The following FASN variants were observed in gnomAD, a reference collection of about 807,000 sequenced individuals.
FASN encodes the protein 3-hydroxyacyl-[acyl-carrier-protein] dehydratase.
Under a neutral mutation model 250.0 loss-of-function variants are expected in FASN, and 50 were observed. The observed-to-expected ratio is 0.20, with a 90% CI of 0.16 to 0.25. FASN has a LOEUF of 0.25. Ranked by LOEUF, FASN falls within the 10% of genes least tolerant of loss-of-function variation. The pLI is 1.00. For missense variants in FASN, 3,031 were observed against 3,498.5 expected (o/e 0.87, Z 3.37); for synonymous variants, 1,909 against 1,584.0 (o/e 1.21, Z -4.87).
At position 82,086,551 on chromosome 17, in the gene FASN, C is replaced by T. The variant is rs2034105388; in HGVS notation, c.3435G>A (p.Val1145=). ...QEELQLCKGL[V]QALQTKVTQQ... ...GGGTCACCTTGGTCTGCAGTGCCTG[C>T]ACCAGCCCTGGGGAGGGAGGGAGGC... The change falls in exon 22 of 43, where the codon GTG becomes GTA. Residue 1145 remains valine (V), a synonymous_variant. Coordinates refer to ENST00000306749, the MANE Select transcript of FASN (RefSeq NM_004104.5). 6.2e-7 allele frequency: 1 copy of T among 1,610,886 alleles called. No individual in the cohort carries two copies. The highest frequency in any genetic ancestry group is 8.5e-7 in the Non-Finnish European group (1 of 1,179,452).
In FASN at chr17:82,093,690, C is replaced by A; in HGVS notation, c.362G>T (p.Ser121Ile). The change falls in exon 4 of 43, where the codon AGC becomes ATC. Residue 121 changes from serine to isoleucine, a missense_variant. Physicochemically the swap from Ser to Ile is moderately radical, Grantham distance 142 (BLOSUM62 -2). Transcript: ENST00000306749. ...GCCCACGAGTGTCTCGGGGTCTCGG[C>A]TCAGGGCCTCCGAGGTCTCAGAGCC... ...VSGSETSEAL[S>I]RDPETLVGYS... 1 of 1,612,790 alleles carries A rather than the reference C, an allele frequency of 6.2e-7. No individual in the cohort carries two copies. Among genetic ancestry groups the A allele is most frequent in the Non-Finnish European group, 8.5e-7 (1 of 1,179,986 alleles).
chr17:82,085,258 G>T lies in FASN; in HGVS notation c.4267C>A (p.Arg1423Ser). The change falls in exon 24 of 43, where the codon CGC becomes AGC. Residue 1423 changes from arginine to serine, a missense_variant. Transcript: ENST00000306749. ...CTGACCTTCAGAGACTCCACCCAGC[G>T]GAAGCTGGTATCGTCCACCGGCAGG... ...IFLPVDDTSFRWVESLKGILA... is the reference protein window; with the variant it reads ...IFLPVDDTSFSWVESLKGILA... 6.2e-7 allele frequency: 1 copy of T among 1,611,686 alleles called. No homozygotes were observed. The highest frequency in any genetic ancestry group is 8.5e-7 in the Non-Finnish European group (1 of 1,179,508).
At chr17:82,087,659 T>C (rs200806150) in intron 19 of FASN, 26 bp downstream of exon 19, 4 of 1,609,216 alleles carry the variant, frequency 2.5e-6, no homozygotes, top group South Asian at 2.2e-5. Context: ...CCCGGTGGCT[T>C]GGGCAGCAGT....
rs1220922089 is a variant in FASN at position 82,085,733 on chromosome 17, C to T, written c.3871G>A (p.Asp1291Asn). 22 of 1,565,146 alleles carry T rather than the reference C, an allele frequency of 1.4e-5. No homozygotes were observed. The highest frequency in any genetic ancestry group is 1.3e-4 in the Admixed American group (7 of 53,000). Residue 1291 changes from aspartate to asparagine, a missense_variant, in exon 23 of 43, where the codon GAC becomes AAC. By Grantham distance (23) the Asp-to-Asn change is conservative. Transcript: ENST00000306749. ...GGATCCCACTGGCCCTGGGCAACGTCGTGCTGCTGCAGCTCGGCCTGGGCA... is the reference window on the plus strand; with the variant it reads ...GGATCCCACTGGCCCTGGGCAACGTTGTGCTGCTGCAGCTCGGCCTGGGCA... ...EAAQAELQQH[D>N]VAQGQWDPAD...
rs984528388 is a variant in FASN at position 82,097,900 on chromosome 17, G to A, written c.-8+221C>T. Among the ~76,000 whole-genome samples, 12 of 152,180 alleles carry A rather than the reference G, an allele frequency of 7.9e-5. No individual in the cohort carries two copies. The South Asian group carries it at 8.3e-4, about 10-fold the overall frequency. ...GCGGCTGTTGGTGGCTTTCCCCGGC[G>A]TCCTTCCCCCGCCATCCGCCCACCT... On this transcript the variant is annotated intron_variant, in intron 1 of 42. Transcript: ENST00000306749.
intron 3 of FASN, among the ~76,000 whole-genome samples, chr17:82,094,873 G>C (rs974476832): frequency 6.6e-6 from 1 of 151,624 alleles, no homozygotes; most frequent in East Asian, 2.0e-4. Context: ...CGAGGGCCAG[G>C]CTGGCGGGAG....
chr17:82,080,276 G>A, intron 40 of FASN, 38 bp from the exon 41 acceptor site: 1 of 1,611,736 alleles, frequency 6.2e-7, no homozygotes. Context: ...GATGGAAGGG[G>A]CGGGGCCTCC....
chr17:82,086,420 T>C lies in FASN; in HGVS notation c.3566A>G (p.Gln1189Arg), dbSNP rs546066135. 2 of 1,611,588 alleles carry C rather than the reference T, an allele frequency of 1.2e-6. No homozygotes were observed. Among genetic ancestry groups the C allele is most frequent in the Non-Finnish European group, 1.7e-6 (2 of 1,179,896 alleles). The change falls in exon 22 of 43, where the codon CAG becomes CGG. Residue 1189 changes from glutamine to arginine, a missense_variant. Gln to Arg is a conservative substitution (Grantham distance 43). Transcript: ENST00000306749. ...CTCCAGCTGCAGGTTCCCGTTGAGC[T>C]GAAGCCTGCAGGCAGCCGACAACAG... ...PRLLSAACRL[Q>R]LNGNLQLELA...
At position 82,082,349 on chromosome 17, in the gene FASN, C is replaced by T. The variant is rs202082190; in HGVS notation, c.5985G>A (p.Lys1995=). The change falls in exon 35 of 43, where the codon AAG becomes AAA. Residue 1995 remains lysine (K), a synonymous_variant. Coordinates refer to ENST00000306749, the MANE Select transcript of FASN (RefSeq NM_004104.5). The part of the protein sequence containing the change: ...PEFFQDVCKP[K]YSGTLNLDRV... ...TGTCCAGGTTCAGGGTGCCGCTGTA[C>T]TTGGGCTTGCAGACGTCCTGGAAGA... The T allele has an allele frequency of 1.2e-6, 2 of 1,612,890 alleles. No individual in the cohort carries two copies. The highest frequency in any genetic ancestry group is 2.2e-5 in the East Asian group (1 of 44,886).
chr17:82,082,746 G>A, intron 33 of FASN, 68 bp from the exon 34 acceptor site: 1 of 1,586,696 alleles, frequency 6.3e-7, no homozygotes, highest in Non-Finnish European at 8.5e-7. Context: ...GCCGGGCTGG[G>A]GAAGTGGGGA....
rs1367771241 is a variant in FASN at position 82,082,932 on chromosome 17, G to A, written c.5749C>T (p.Arg1917Cys). The change falls in exon 33 of 43, where the codon CGC becomes TGC. Residue 1917 changes from arginine to cysteine, a missense_variant. Transcript: ENST00000306749. Reference protein sequence around the residue: ...RGVQKLVLTSRSGIRTGYQAK... With the variant: ...RGVQKLVLTSCSGIRTGYQAK... ...GACTCACCTGTCCGGATCCCGGAGCGAGAAGTCAACACGAGCTTCTGCACC... is the reference window on the plus strand; with the variant it reads ...GACTCACCTGTCCGGATCCCGGAGCAAGAAGTCAACACGAGCTTCTGCACC... 6.2e-6 allele frequency: 10 copies of A among 1,612,760 alleles called. No homozygotes were observed. Among genetic ancestry groups the A allele is most frequent in the Non-Finnish European group, 8.5e-6 (10 of 1,179,958 alleles).
intron 21 of FASN, 134 bp downstream of exon 21, chr17:82,086,916 C>CA: frequency 1.0e-6 from 1 of 970,124 alleles, no homozygotes; most frequent in Admixed American, 2.0e-5. Context: ...TCGTGAGCTC[C>CA]GGCCGGAGGG....
At position 82,091,121 on chromosome 17, in the gene FASN, G is replaced by A. The variant is rs371184473; in HGVS notation, c.1493-52C>T. On this transcript the variant is annotated intron_variant, in intron 9 of 42. Coordinates refer to ENST00000306749, the MANE Select transcript of FASN (RefSeq NM_004104.5). Reference sequence around the variant, plus strand: ...TCAGCCCCATCCCGTGCCACTGTGTGCCCATCCCCGTCCCAGAGAGCACCT... The same window carrying A: ...TCAGCCCCATCCCGTGCCACTGTGTACCCATCCCCGTCCCAGAGAGCACCT... 7.5e-6 allele frequency: 12 copies of A among 1,605,402 alleles called. No homozygotes were observed. The African/African-American group carries it at 1.2e-4, about 16-fold the overall frequency.
At chr17:82,092,424 C>G in intron 8 of FASN, 31 bp downstream of exon 8, 1 of 1,553,172 alleles carries the variant, frequency 6.4e-7, no homozygotes, top group Non-Finnish European at 8.7e-7. Flanking sequence ...GAGCAGGAGC[C>G]TGAGGGACCC....
Position 82,083,542 on chromosome 17 carries a change from G to C in FASN, c.5316C>G (p.Phe1772Leu). The change falls in exon 31 of 43, where the codon TTC becomes TTG. Residue 1772 changes from phenylalanine (F) to leucine (L), a missense_variant. Phe to Leu is a conservative substitution (Grantham distance 22). Transcript: ENST00000306749. ...THGRFLEIGK[F>L]DLSQNHPLGM... The stretch of plus-strand genomic sequence containing the variant: ...CGAGCGGGTGGTTCTGAGAAAGGTC[G>C]AATTTGCCAATTTCCAGGAAGCGAC... 4 of 1,612,822 alleles carry C rather than the reference G, an allele frequency of 2.5e-6. No homozygotes were observed. The highest frequency in any genetic ancestry group is 3.4e-6 in the Non-Finnish European group (4 of 1,179,998).
intron 3 of FASN, chr17:82,094,015 G>A (rs1218199144): frequency 6.8e-6 from 4 of 591,974 alleles, no homozygotes; most frequent in Non-Finnish European, 1.2e-5. Flanking sequence ...AGGTCACAGA[G>A]GGAACGAGGC....
At chr17:82,096,784 C>T in intron 1 of FASN, 1 of 384,574 alleles carries the variant, frequency 2.6e-6, no homozygotes, top group Non-Finnish European at 5.0e-6. Context: ...GGCTTCCACT[C>T]GCCTGAGTCT....
At position 82,079,090 on chromosome 17, in the gene FASN, G is replaced by A; in HGVS notation, c.*53C>T. ...TCCCGTTGCATGGCGGGGGTGGGGTGGGGTGGGGTGGGGATGGTGGAGTGA... is the reference window on the plus strand; with the variant it reads ...TCCCGTTGCATGGCGGGGGTGGGGTAGGGTGGGGTGGGGATGGTGGAGTGA... On this transcript the variant is annotated 3_prime_UTR_variant, in exon 43 of 43. Transcript: ENST00000306749. The A allele has an allele frequency of 5.9e-6, 9 of 1,528,818 alleles. No homozygotes were observed. The highest frequency in any genetic ancestry group is 7.9e-6 in the Non-Finnish European group (9 of 1,136,088). 94.7% of individuals were successfully genotyped at this position (1,528,818 alleles called of 1,614,324 possible).
At chr17:82,093,857 C>T in intron 3 of FASN, 86 bp from the exon 4 acceptor site, 5 of 1,391,998 alleles carry the variant, frequency 3.6e-6, no homozygotes, top group Non-Finnish European at 4.9e-6. Context: ...GGCGAAGGTC[C>T]CATCTTGGCC....
Sources: gnomAD v4.1 joint callset for allele counts (sites outside exome capture counted in the v4.1 genomes callset) on GRCh38, gnomAD v4.1.1 for gene constraint, MANE v1.5 for transcripts, NCBI Gene and HGNC (gene_info 2026-07-23, HGNC 2026-07-21) for gene names.